Variants in FMO5 observed in about 807,000 individuals in gnomAD.
FMO5 encodes flavin-containing monooxygenase 5.
Under a neutral mutation model 43.6 loss-of-function variants are expected in FMO5, and 51 were observed. That is an observed-to-expected ratio of 1.17 (90% confidence interval 0.93 to 1.48). The LOEUF (loss-of-function observed/expected upper bound fraction) is 1.48. Ranked by LOEUF, FMO5 falls within the 40% of genes most tolerant of loss-of-function variation. The probability of loss-of-function intolerance (pLI) is 0.00; values close to 1 mark genes in which losing one functional copy is unlikely to be tolerated. For missense variants in FMO5, 644 were observed against 643.0 expected (o/e 1.00, Z -0.02); for synonymous variants, 187 against 216.5 (o/e 0.86, Z 1.20).
chr1:147,225,127 C>A (rs1413145249), intron 1 of FMO5, 61 bp from the exon 2 acceptor site: 44 of 1,586,438 alleles, frequency 2.8e-5, no homozygotes, highest in Admixed American at 1.7e-4. Flanking sequence ...CAAGGAAGAC[C>A]TTGGCCGTGG....
chr1:147,193,938 A>G (rs1553919127), intron 7 of FMO5, among the ~76,000 whole-genome samples: 1 of 151,938 alleles, frequency 6.6e-6, no homozygotes, highest in Non-Finnish European at 1.5e-5. Context: ...TATGTGATCA[A>G]TTTTGCAATA....
At chr1:147,221,105 T>C (rs1426281098) in intron 2 of FMO5, among the ~76,000 whole-genome samples, 1 of 134,704 alleles carries the variant, frequency 7.4e-6, no homozygotes, top group Non-Finnish European at 1.6e-5. Context: ...TTCTACAGCA[T>C]ACCTGGCCCC....
intron 4 of FMO5, 98 bp from the exon 5 acceptor site, chr1:147,212,633 AT>A: frequency 1.8e-6 from 2 of 1,135,816 alleles, no homozygotes; most frequent in South Asian, 3.0e-5. Context: ...GTTTAAGCAT[AT>A]ATTCTCCAAG....
chr1:147,192,127 T>G (rs1274665990), intron 7 of FMO5, among the ~76,000 whole-genome samples: 1 of 152,188 alleles, frequency 6.6e-6, no homozygotes, highest in Non-Finnish European at 1.5e-5. Flanking sequence ...ACGATATTGA[T>G]TCTTCCTACC....
intron 7 of FMO5, 44 bp downstream of exon 7, chr1:147,201,108 C>T (rs1267838106): frequency 4.3e-6 from 6 of 1,389,236 alleles, no homozygotes; most frequent in Non-Finnish European, 4.0e-6. Context: ...CAGAGGTAAA[C>T]ATATCACCAA....
At chr1:147,196,018 G>A (rs1657932298) in intron 7 of FMO5, among the ~76,000 whole-genome samples, 1 of 152,142 alleles carries the variant, frequency 6.6e-6, no homozygotes, top group Non-Finnish European at 1.5e-5. Context: ...GAGCCACAGA[G>A]TTTAATGTTA....
intron 6 of FMO5, 38 bp downstream of exon 6, chr1:147,208,814 T>C (rs1553923041): frequency 6.4e-7 from 1 of 1,553,270 alleles, no homozygotes; most frequent in Admixed American, 1.7e-5. Flanking sequence ...TTCTTGTGCT[T>C]TGGCCACTAT....
chr1:147,222,414 A>G (rs1279121334), intron 2 of FMO5, among the ~76,000 whole-genome samples: 1 of 152,100 alleles, frequency 6.6e-6, no homozygotes, highest in African/African-American at 2.4e-5. Context: ...GGGAAATTGG[A>G]ACTGATGGGA....
upstream of FMO5, among the ~76,000 whole-genome samples, chr1:147,226,107 C>T (rs1288870083): frequency 1.1e-4 from 17 of 147,878 alleles, no homozygotes; most frequent in Admixed American, 6.0e-4. Context: ...ATTTATCTTA[C>T]TTTTTTTTTT....
At chr1:147,203,910 C>T in intron 6 of FMO5, 2 of 1,553,532 alleles carry the variant, frequency 1.3e-6, no homozygotes. Context: ...CCCATTTCTT[C>T]AAGGACAGGA....
At chr1:147,197,095 T>C (rs1658142877) in intron 7 of FMO5, among the ~76,000 whole-genome samples, 1 of 152,218 alleles carries the variant, frequency 6.6e-6, no homozygotes, top group African/African-American at 2.4e-5. Context: ...TGATATTGCC[T>C]GTGAATATTT....
intron 6 of FMO5, among the ~76,000 whole-genome samples, chr1:147,202,432 G>A (rs1359596270): frequency 6.8e-6 from 1 of 147,398 alleles, no homozygotes; most frequent in Admixed American, 7.0e-5. Flanking sequence ...TGATTCTGCT[G>A]TCTCAGCCTC....
At chr1:147,185,656 C>T (rs1239366063), downstream of FMO5, among the ~76,000 whole-genome samples, 1 of 152,140 alleles carries the variant, frequency 6.6e-6, no homozygotes, top group African/African-American at 2.4e-5. Flanking sequence ...TTGGTCTTTT[C>T]CATTGTTCAG....
intron 2 of FMO5, chr1:147,224,189 G>A: frequency 3.8e-6 from 1 of 261,040 alleles, no homozygotes; most frequent in South Asian, 3.9e-5. Flanking sequence ...GAAGACAAAG[G>A]AGGTGTGGCT....
chr1:147,213,554 A>G (rs1530336), intron 3 of FMO5, 84 bp from the exon 4 acceptor site: 90,641 of 1,183,652 alleles, frequency 0.077, 3,988 homozygotes, highest in African/African-American at 0.15. Context: ...GATATCACAG[A>G]CACTATCACA....
At chr1:147,184,772 A>G, downstream of FMO5, 1 of 1,099,256 alleles carries the variant, frequency 9.1e-7, no homozygotes, top group Non-Finnish European at 1.2e-6. The surrounding 1 kb of genome is among the most constrained non-coding windows in gnomAD (Gnocchi z 4.4). Flanking sequence ...TGTTTATCAG[A>G]TTTCTCCACT....
chr1:147,223,270 CTGA>C (rs1219392315), intron 2 of FMO5, among the ~76,000 whole-genome samples: 1 of 152,164 alleles, frequency 6.6e-6, no homozygotes, highest in Non-Finnish European at 1.5e-5. Context: ...ATGTCCAAGA[CTGA>C]TGATGATACA....
At chr1:147,188,841 A>G (rs17355768) in intron 8 of FMO5, among the ~76,000 whole-genome samples, 5,595 of 152,142 alleles carry the variant, frequency 0.037, 147 homozygotes, top group South Asian at 0.095. Context: ...AAAATAAGTC[A>G]AAGGAAAGAG....
chr1:147,212,630 C>T, intron 4 of FMO5, 95 bp from the exon 5 acceptor site: 4 of 1,152,982 alleles, frequency 3.5e-6, no homozygotes, highest in Admixed American at 2.1e-5. Flanking sequence ...TAAGTTTAAG[C>T]ATATATTCTC....
Sources: allele counts gnomAD v4.1 joint callset (sites outside exome capture counted in the v4.1 genomes callset), GRCh38; gene constraint gnomAD v4.1.1; non-coding constraint Gnocchi (gnomAD v3.1); transcripts MANE v1.5; gene names NCBI Gene and HGNC (gene_info 2026-07-23, HGNC 2026-07-21).